Variants in REEP5 observed in about 807,000 individuals in gnomAD.
The protein encoded by REEP5 is receptor expression-enhancing protein 5.
A neutral mutation model predicts 22.4 loss-of-function variants in REEP5; 24 were observed. That is an observed-to-expected ratio of 1.07 (90% CI 0.78 to 1.51). The LOEUF is 1.51. REEP5 is among the 40% of genes most tolerant of loss of function. The pLI, the probability that REEP5 is intolerant of heterozygous loss-of-function variation, is 0.00. For missense variants in REEP5, 252 were observed against 233.0 expected (o/e 1.08, Z -0.53); for synonymous variants, 103 against 88.6 (o/e 1.16, Z -0.92).
chr5:112,900,803 T>G (rs1039023970), intron 3 of REEP5, among the ~76,000 whole-genome samples: 2 of 152,140 alleles, frequency 1.3e-5, no homozygotes, highest in African/African-American at 4.8e-5. Flanking sequence ...AAAAGCAGTT[T>G]GTAGGCTAAA....
rs1187208851 is a variant in REEP5 at position 112,877,496 on chromosome 5, T to C, written c.*1290A>G. On this transcript the variant is annotated 3_prime_UTR_variant, in exon 5 of 5. Transcript: ENST00000379638. Reference sequence around the variant, plus strand: ...GACATCCGTTTTAACTTTACTGTTCTGTACTTACTATGTAGTCATGTGCAG... The same window carrying C: ...GACATCCGTTTTAACTTTACTGTTCCGTACTTACTATGTAGTCATGTGCAG... 1 of 152,208 alleles carries C rather than the reference T, an allele frequency of 6.6e-6. No individual in the cohort carries two copies. The highest frequency in any genetic ancestry group is 1.5e-5 in the Non-Finnish European group (1 of 68,034). 9.4% of individuals were successfully genotyped at this position (152,208 alleles called of 1,614,324 possible). A position where few individuals can be genotyped will look rare whatever the true frequency, so the allele number is the denominator to read the frequency against.
chr5:112,908,885 A>AT (rs1769029924), intron 2 of REEP5, among the ~76,000 whole-genome samples: 1 of 139,702 alleles, frequency 7.2e-6, no homozygotes, highest in Non-Finnish European at 1.5e-5. Context: ...TTTTTTACAA[A>AT]TTTCTCTAAC....
Position 112,878,774 on chromosome 5 carries a change from A to G in REEP5, c.*12T>C, listed in dbSNP as rs1169134489. 6.2e-7 allele frequency: 1 copy of G among 1,614,174 alleles called. No homozygotes were observed. Among genetic ancestry groups the G allele is most frequent in the East Asian group, 2.2e-5 (1 of 44,882 alleles). On this transcript the variant is annotated 3_prime_UTR_variant, in exon 5 of 5. Coordinates refer to ENST00000379638, the MANE Select transcript of REEP5 (RefSeq NM_005669.5). ...GGTACAGAGAGGGCAGGAAGTTTCC[A>G]TCCAGTCTGGTTTAGGTGCTCTTCT...
chr5:112,898,688 A>G (rs984408837), intron 3 of REEP5, among the ~76,000 whole-genome samples: 3 of 152,220 alleles, frequency 2.0e-5, no homozygotes, highest in Admixed American at 6.5e-5. Flanking sequence ...CTTTCCACTA[A>G]AGACTACTGT....
intron 2 of REEP5, among the ~76,000 whole-genome samples, chr5:112,912,158 T>G (rs1769118318): frequency 1.3e-5 from 2 of 152,152 alleles, no homozygotes; most frequent in African/African-American, 4.8e-5. Flanking sequence ...ATGAGAAAAC[T>G]GAATTTTATA....
In REEP5 at chr5:112,902,525, G is replaced by T; in HGVS notation, c.213-7C>A. On this transcript the variant is annotated splice_region_variant and splice_polypyrimidine_tract_variant and intron_variant, in intron 2 of 4. Transcript: ENST00000379638. Reference sequence around the variant, plus strand: ...ACTCTCTATAGCTTTAATTCTGAAAGGCAGTACAAAAGAAAGTATATCATT... The same window carrying T: ...ACTCTCTATAGCTTTAATTCTGAAATGCAGTACAAAAGAAAGTATATCATT... 6.4e-7 allele frequency: 1 copy of T among 1,573,364 alleles called. No individual in the cohort carries two copies. The highest frequency in any genetic ancestry group is 8.6e-7 in the Non-Finnish European group (1 of 1,165,544).
chr5:112,888,831 G>T (rs933229486), intron 3 of REEP5, among the ~76,000 whole-genome samples: 12 of 150,704 alleles, frequency 8.0e-5, no homozygotes, highest in African/African-American at 3.0e-4. Flanking sequence ...GACTGACATG[G>T]TTTAGCTGTG....
intron 2 of REEP5, among the ~76,000 whole-genome samples, chr5:112,915,690 T>C (rs1379368125): frequency 6.6e-6 from 1 of 152,208 alleles, no homozygotes; most frequent in Non-Finnish European, 1.5e-5. Flanking sequence ...GAAGGCCACA[T>C]TGGCTTGTGC....
In REEP5 at chr5:112,895,695, G is replaced by T. The variant is rs1411675136; in HGVS notation, c.351+6685C>A. On this transcript the variant is annotated intron_variant, in intron 3 of 4. Transcript: ENST00000379638. Reference sequence around the variant, plus strand: ...TATGTTAAAAATAAAGTTAATTACTGTTCAACTCCCAAGGTGATATTCAGC... The same window carrying T: ...TATGTTAAAAATAAAGTTAATTACTTTTCAACTCCCAAGGTGATATTCAGC... The T allele has an allele frequency of 3.3e-5, 5 of 152,278 alleles. 1 individual carries two copies. The South Asian group carries it at 1.0e-3, about 32-fold the overall frequency. 9.4% of individuals were successfully genotyped at this position (152,278 alleles called of 1,614,324 possible). A position where few individuals can be genotyped will look rare whatever the true frequency, so the allele number is the denominator to read the frequency against.
chr5:112,918,680 G>T (rs153560), intron 2 of REEP5, among the ~76,000 whole-genome samples: 7 of 152,050 alleles, frequency 4.6e-5, no homozygotes, highest in Non-Finnish European at 1.5e-5. Flanking sequence ...AAGGCAATCA[G>T]AAAATGCAAA....
At position 112,878,927 on chromosome 5, in the gene REEP5, A is replaced by G. The variant is rs149403047; in HGVS notation, c.521-92T>C. 3.5e-4 allele frequency: 559 copies of G among 1,593,264 alleles called. 5 individuals are homozygous for G. The East Asian group carries it at 8.5e-3, about 24-fold the overall frequency. On this transcript the variant is annotated intron_variant, in intron 4 of 4. Coordinates refer to ENST00000379638, the MANE Select transcript of REEP5 (RefSeq NM_005669.5). Reference sequence around the variant, plus strand: ...GCTTTGTGCCTAATGTAGCTACTAGATAACAAAACTTGGATGACTCATGTT... The same window carrying G: ...GCTTTGTGCCTAATGTAGCTACTAGGTAACAAAACTTGGATGACTCATGTT...
chr5:112,884,047 AC>A (rs977135637), intron 4 of REEP5, among the ~76,000 whole-genome samples: 2 of 152,258 alleles, frequency 1.3e-5, no homozygotes, highest in African/African-American at 4.8e-5. Context: ...CACTGCAAGA[AC>A]CTTTTAACTG....
chr5:112,921,875 C>A, intron 1 of REEP5, 198 bp downstream of exon 1: 1 of 562,668 alleles, frequency 1.8e-6, no homozygotes, highest in Non-Finnish European at 2.9e-6. Flanking sequence ...GCCCCGCGAC[C>A]CTCAGCCTGG....
At position 112,877,444 on chromosome 5, in the gene REEP5, T is replaced by C. The variant is rs922733816; in HGVS notation, c.*1342A>G. 2.6e-5 allele frequency: 4 copies of C among 152,228 alleles called. No individual in the cohort carries two copies. Among genetic ancestry groups the C allele is most frequent in the Non-Finnish European group, 2.9e-5 (2 of 68,036 alleles). The allele number at this position is 152,228 out of a possible 1,614,324, so 9.4% of individuals were successfully genotyped here. A position where few individuals can be genotyped will look rare whatever the true frequency, so the allele number is the denominator to read the frequency against. ...ATTTTCTAGTCCAGACAAATTGCTC[T>C]CTATAACGATTTGGCAGATCAATGG... On this transcript the variant is annotated 3_prime_UTR_variant, in exon 5 of 5. Transcript: ENST00000379638.
At chr5:112,910,704 T>C (rs1769083614) in intron 2 of REEP5, among the ~76,000 whole-genome samples, 2 of 152,224 alleles carry the variant, frequency 1.3e-5, no homozygotes, top group Non-Finnish European at 2.9e-5. Flanking sequence ...GTCACCAGCA[T>C]GATCAGATTG....
Position 112,902,543 on chromosome 5 carries a change from A to G in REEP5, c.213-25T>C, listed in dbSNP as rs772394037. 8 of 1,548,158 alleles carry G rather than the reference A, an allele frequency of 5.2e-6. No homozygotes were observed. The African/African-American group carries it at 6.9e-5, about 13-fold the overall frequency. On this transcript the variant is annotated intron_variant, in intron 2 of 4. Coordinates refer to ENST00000379638, the MANE Select transcript of REEP5 (RefSeq NM_005669.5). ...TCTGAAAGGCAGTACAAAAGAAAGT[A>G]TATCATTTGGTAAGATATCAATGAA...
chr5:112,879,183 G>C (rs1168898068), intron 4 of REEP5, among the ~76,000 whole-genome samples: 3 of 152,084 alleles, frequency 2.0e-5, no homozygotes, highest in African/African-American at 4.8e-5. Flanking sequence ...ATTTGTATCT[G>C]TGTGCTTGCC....
intron 3 of REEP5, chr5:112,897,770 G>C (rs1053208921): frequency 6.6e-6 from 1 of 152,032 alleles, no homozygotes; most frequent in African/African-American, 2.4e-5. Context: ...TATTAAACAT[G>C]TCCTCGGGCT....
At chr5:112,882,707 G>A (rs1768118189) in intron 4 of REEP5, among the ~76,000 whole-genome samples, 1 of 152,200 alleles carries the variant, frequency 6.6e-6, no homozygotes, top group African/African-American at 2.4e-5. Flanking sequence ...TGGCAGAGAA[G>A]AGTAGCTGCA....
Sources: gnomAD v4.1 joint callset for allele counts (sites outside exome capture counted in the v4.1 genomes callset) on GRCh38, gnomAD v4.1.1 for gene constraint, MANE v1.5 for transcripts, NCBI Gene and HGNC (gene_info 2026-07-23, HGNC 2026-07-21) for gene names.